BAMBI: variants seen among roughly 807,000 people sequenced by gnomAD.
The protein encoded by BAMBI is BMP and activin membrane-bound inhibitor homolog.
In BAMBI, 21 loss-of-function variants were observed where a neutral mutation model predicts 24.1. The observed-to-expected ratio is 0.87, with a 90% CI of 0.62 to 1.26. The LOEUF (loss-of-function observed/expected upper bound fraction) is 1.26. BAMBI is among the 50% of genes most tolerant of loss of function. The probability of loss-of-function intolerance (pLI) is 0.00; values close to 1 mark genes in which losing one functional copy is unlikely to be tolerated. For missense variants in BAMBI, 388 were observed against 329.1 expected (o/e 1.18, Z -1.38); for synonymous variants, 156 against 123.1 (o/e 1.27, Z -1.77).
rs1834507504 is a variant in BAMBI, at chr10:28,682,262, G to T, written c.644G>T (p.Cys215Phe). 1 of 1,614,196 alleles carries T rather than the reference G, an allele frequency of 6.2e-7. No homozygotes were observed. Among genetic ancestry groups the T allele is most frequent in the East Asian group, 2.2e-5 (1 of 44,878 alleles). The change falls in exon 3 of 3, where the codon TGC becomes TTC. Residue 215 changes from cysteine (C) to phenylalanine (F), a missense_variant. By Grantham distance (205) the Cys-to-Phe change is radical (BLOSUM62 -2). Coordinates refer to ENST00000375533, the MANE Select transcript of BAMBI (RefSeq NM_012342.3). ...KGQVAKLDLE[C>F]MVPVSGHENC... Reference sequence around the variant, plus strand: ...CAGGTTGCAAAGTTAGACTTGGAATGCATGGTGCCGGTCAGTGGGCACGAG... The same window carrying T: ...CAGGTTGCAAAGTTAGACTTGGAATTCATGGTGCCGGTCAGTGGGCACGAG...
chr10:28,681,860 A>G, intron 2 of BAMBI, 123 bp from the exon 3 acceptor site: 2 of 1,051,020 alleles, frequency 1.9e-6, no homozygotes, highest in Non-Finnish European at 2.8e-6. Flanking sequence ...TGTTTTCTAA[A>G]TATCGTTGAT....
chr10:28,681,188 G>A (rs1834492967), intron 1 of BAMBI, 70 bp from the exon 2 acceptor site: 1 of 1,502,972 alleles, frequency 6.7e-7, no homozygotes, highest in Non-Finnish European at 9.0e-7. Flanking sequence ...TTGGGATTTA[G>A]CAGTTGCCTA....
Sources: allele counts gnomAD v4.1 joint callset, GRCh38; gene constraint gnomAD v4.1.1; transcripts MANE v1.5; gene names NCBI Gene and HGNC (gene_info 2026-07-23, HGNC 2026-07-21).